RP1: variants seen among roughly 807,000 people sequenced by gnomAD.
RP1 encodes RP1 axonemal microtubule associated.
Under a neutral mutation model 14.8 loss-of-function variants are expected in RP1, and 16 were observed. The ratio of observed to expected loss-of-function variants is 1.08; its 90% confidence interval spans 0.73 to 1.65. The LOEUF (loss-of-function observed/expected upper bound fraction) is 1.65, where lower values mean the gene tolerates loss of function less well. Ranked by LOEUF, RP1 falls within the 40% of genes most tolerant of loss-of-function variation. RP1 has a pLI of 0.00. For missense variants in RP1, 2,631 were observed against 2,535.0 expected, an observed-to-expected ratio of 1.04 and a Z score of -0.81; for synonymous variants, 876 against 883.6, an observed-to-expected ratio of 0.99 and a Z score of 0.15.
chr8:54,736,181 T>C (rs954137688), intron 18 of RP1, among the ~76,000 whole-genome samples: 2 of 152,228 alleles, frequency 1.3e-5, no homozygotes, highest in Non-Finnish European at 2.9e-5. Context: ...TGACCTTGAA[T>C]ATGCCACTTA....
chr8:54,756,315 T>C (rs1809502856), intron 21 of RP1, among the ~76,000 whole-genome samples: 1 of 152,220 alleles, frequency 6.6e-6, no homozygotes, highest in Non-Finnish European at 1.5e-5. Flanking sequence ...TGTTATTTTG[T>C]TGTATATGGA....
At chr8:54,728,845 A>G (rs1808724179) in intron 17 of RP1, among the ~76,000 whole-genome samples, 1 of 152,114 alleles carries the variant, frequency 6.6e-6, no homozygotes, top group Non-Finnish European at 1.5e-5. Context: ...AAAGGTAGAG[A>G]TAATGGACAA....
chr8:54,810,591 A>C (rs1317448453), intron 24 of RP1, among the ~76,000 whole-genome samples: 1 of 152,184 alleles, frequency 6.6e-6, no homozygotes, highest in African/African-American at 2.4e-5. Flanking sequence ...TATTGTTCCC[A>C]AGCAAGTTCC....
At chr8:54,592,840 G>GA (rs1805070218) in intron 1 of RP1, among the ~76,000 whole-genome samples, 2 of 152,088 alleles carry the variant, frequency 1.3e-5, no homozygotes, top group Non-Finnish European at 2.9e-5. Context: ...CAGGAAGGGG[G>GA]AAAATGGGAC....
At chr8:54,813,926 C>T (rs1288123378) in intron 24 of RP1, among the ~76,000 whole-genome samples, 1 of 152,182 alleles carries the variant, frequency 6.6e-6, no homozygotes, top group Non-Finnish European at 1.5e-5. Context: ...ATTAAAATTT[C>T]CTGCTCTGAA....
chr8:54,827,803 C>T (rs138240574), intron 24 of RP1, among the ~76,000 whole-genome samples: 10 of 151,938 alleles, frequency 6.6e-5, no homozygotes, highest in Non-Finnish European at 1.3e-4. Flanking sequence ...GAGGCTGAGG[C>T]GGAAGAAGTG....
intron 19 of RP1, among the ~76,000 whole-genome samples, chr8:54,742,895 A>G (rs1394005803): frequency 1.3e-5 from 2 of 152,170 alleles, no homozygotes; most frequent in Admixed American, 6.5e-5. Flanking sequence ...CAACTGGAGG[A>G]AAAAACATCC....
At chr8:54,734,542 T>C (rs1472296464) in intron 17 of RP1, 32 of 1,532,288 alleles carry the variant, frequency 2.1e-5, no homozygotes, top group Non-Finnish European at 2.6e-5. Context: ...TTTTCCCCCA[T>C]AGAAGAAATC....
At chr8:54,803,589 T>C (rs1050934224) in intron 24 of RP1, among the ~76,000 whole-genome samples, 1 of 152,204 alleles carries the variant, frequency 6.6e-6, no homozygotes, top group African/African-American at 2.4e-5. Flanking sequence ...GAGTTGCTTA[T>C]TGTATAAATG....
chr8:54,716,563 C>T (rs1002655280), intron 15 of RP1, among the ~76,000 whole-genome samples: 1 of 152,046 alleles, frequency 6.6e-6, no homozygotes, highest in Non-Finnish European at 1.5e-5. Flanking sequence ...ATAATCAGAG[C>T]ATTTTGGGCA....
chr8:54,826,795 C>A (rs1811394245), intron 24 of RP1, among the ~76,000 whole-genome samples: 1 of 152,186 alleles, frequency 6.6e-6, no homozygotes, highest in African/African-American at 2.4e-5. Flanking sequence ...CCATGCCTTG[C>A]TTAATGATGG....
chr8:54,718,157 T>C lies in RP1; in HGVS notation c.2212-1972T>C, dbSNP rs1413968393. Among the ~76,000 whole-genome samples, 4 of 152,172 alleles carry C rather than the reference T, an allele frequency of 2.6e-5. No individual in the cohort carries two copies. The South Asian group carries it at 6.2e-4, about 24-fold the overall frequency. ...TTGTCAGTTCTTACCAACTTTATCATAGATTCAATACAATTCCAGTCAAAA... is the reference window on the plus strand; with the variant it reads ...TTGTCAGTTCTTACCAACTTTATCACAGATTCAATACAATTCCAGTCAAAA... On this transcript the variant is annotated intron_variant, in intron 15 of 22. Transcript: ENST00000636932.
intron 24 of RP1, among the ~76,000 whole-genome samples, chr8:54,788,571 G>A (rs1440749881): frequency 6.6e-6 from 1 of 152,062 alleles, no homozygotes; most frequent in Non-Finnish European, 1.5e-5. Flanking sequence ...GCAGTTCCCT[G>A]TTGACATGTT....
chr8:54,731,239 G>GT (rs946850843), intron 17 of RP1, among the ~76,000 whole-genome samples: 1 of 151,808 alleles, frequency 6.6e-6, no homozygotes, highest in East Asian at 1.9e-4. Context: ...AACATTTTTT[G>GT]TTTTTTTGGT....
At chr8:54,716,087 T>C (rs776864962) in intron 15 of RP1, among the ~76,000 whole-genome samples, 3 of 152,212 alleles carry the variant, frequency 2.0e-5, no homozygotes. Flanking sequence ...GATATTCAAG[T>C]TCATAAATCT....
chr8:54,633,733 C>CTA (rs1461408412), downstream of RP1, among the ~76,000 whole-genome samples: 832 of 130,028 alleles, frequency 6.4e-3, 2 homozygotes, highest in South Asian at 0.017. Flanking sequence ...CTCTCTCTCT[C>CTA]TCTCTATATA....
At chr8:54,706,701 G>A in intron 15 of RP1, 1 of 1,524,766 alleles carries the variant, frequency 6.6e-7, no homozygotes, top group Middle Eastern at 1.7e-4. Flanking sequence ...TAAGACATTT[G>A]CCAGTTGTAG....
intron 19 of RP1, chr8:54,739,151 G>C: frequency 1.8e-6 from 1 of 542,160 alleles, no homozygotes; most frequent in Non-Finnish European, 3.1e-6. Context: ...TTACAGTGGG[G>C]TTATGCCTCT....
chr8:54,627,294 C>G lies in RP1; in HGVS notation c.3412C>G (p.Leu1138Val). 1 of 1,614,090 alleles carries G rather than the reference C, an allele frequency of 6.2e-7. No homozygotes were observed. The highest frequency in any genetic ancestry group is 8.5e-7 in the Non-Finnish European group (1 of 1,179,970). ...LLLAWLLVLNLKGSMNSFCQV... is the reference protein window; with the variant it reads ...LLLAWLLVLNVKGSMNSFCQV... ...TCTAGCTTGGCTCTTGGTGCTAAAC[C>G]TAAAGGGAAGTATGAATAGCTTCTG... Residue 1138 changes from leucine (L) to valine (V), a missense_variant, in exon 4 of 4, where the codon CTA (leucine) becomes GTA (valine). Physicochemically the swap from Leu to Val is conservative, Grantham distance 32. Transcript: ENST00000220676.
Sources: allele counts gnomAD v4.1 joint callset (sites outside exome capture counted in the v4.1 genomes callset), GRCh38; gene constraint gnomAD v4.1.1; transcripts MANE v1.5; gene names NCBI Gene and HGNC (gene_info 2026-07-23, HGNC 2026-07-21).